The following SART3 variants were observed in gnomAD, a reference collection of about 807,000 sequenced individuals.
The protein encoded by SART3 is HIV-1 Tat-interacting protein of 110kDa.
Under a neutral mutation model 122.3 loss-of-function variants are expected in SART3, and 44 were observed. The observed-to-expected ratio is 0.36, with a 90% CI of 0.28 to 0.46. The LOEUF (loss-of-function observed/expected upper bound fraction) is 0.46. SART3 is among the 20% of genes least tolerant of loss of function. The pLI is 1.00. For missense variants in SART3, 1,101 were observed against 1,229.0 expected (o/e 0.90, Z 1.56); for synonymous variants, 442 against 454.0 (o/e 0.97, Z 0.34).
Position 108,547,897 on chromosome 12 carries a change from C to T in SART3, c.534G>A (p.Lys178=). The part of the protein sequence containing the change: ...HVYDLFEKAV[K]DYICPNIWLE... The stretch of plus-strand genomic sequence containing the variant: ...TCCACGGGAACTTACAAATGTAATC[C>T]TTCACGGCTTTCTCAAAGAGGTCAT... The change falls in exon 3 of 19, where the codon AAG becomes AAA. Residue 178 remains lysine, a synonymous_variant. Coordinates refer to ENST00000546815, the MANE Select transcript of SART3 (RefSeq NM_014706.4). 1 of 1,613,218 alleles carries T rather than the reference C, an allele frequency of 6.2e-7. No individual in the cohort carries two copies. Among genetic ancestry groups the T allele is most frequent in the Non-Finnish European group, 8.5e-7 (1 of 1,179,522 alleles).
Position 108,547,886 on chromosome 12 carries a change from C to G in SART3, c.544+1G>C. ...TCCAAAAAAAGTCCACGGGAACTTA[C>G]AAATGTAATCCTTCACGGCTTTCTC... On this transcript the variant is annotated splice_donor_variant, in intron 3 of 18. Coordinates refer to ENST00000546815, the MANE Select transcript of SART3 (RefSeq NM_014706.4). LOFTEE classifies it high-confidence loss of function. 1 of 1,611,698 alleles carries G rather than the reference C, an allele frequency of 6.2e-7. No homozygotes were observed.
rs1162109283 is a variant in SART3 at position 108,536,560 on chromosome 12, C to T, written c.1400G>A (p.Ser467Asn). 4.3e-6 allele frequency: 7 copies of T among 1,614,208 alleles called. No individual in the cohort carries two copies. Among genetic ancestry groups the T allele is most frequent in the East Asian group, 2.2e-5 (1 of 44,896 alleles). Residue 467 changes from serine (S) to asparagine (N), a missense_variant, in exon 11 of 19, where the codon AGT becomes AAT. Physicochemically the swap from Ser to Asn is conservative, Grantham distance 46. Transcript: ENST00000546815. ...CATAATCACGCAGCTTGGATCACCACTCTCATTGAAACCTTCAAAAACAGA... is the reference window on the plus strand; with the variant it reads ...CATAATCACGCAGCTTGGATCACCATTCTCATTGAAACCTTCAAAAACAGA... ...KQEVEERFNE[S>N]GDPSCVIMQN...
intron 15 of SART3, among the ~76,000 whole-genome samples, chr12:108,529,813 A>AG (rs999297178): frequency 6.6e-6 from 1 of 152,196 alleles, no homozygotes; most frequent in African/African-American, 2.4e-5. Flanking sequence ...GAGTAAAAAA[A>AG]AAAAGCTGAG....
At chr12:108,559,101 C>T (rs1341606776) in intron 1 of SART3, among the ~76,000 whole-genome samples, 1 of 150,794 alleles carries the variant, frequency 6.6e-6, no homozygotes, top group Non-Finnish European at 1.5e-5. Flanking sequence ...ACAGGTTCCT[C>T]TGACAATCAG....
intron 15 of SART3, among the ~76,000 whole-genome samples, chr12:108,529,888 C>T (rs1042713257): frequency 5.3e-5 from 8 of 152,084 alleles, no homozygotes; most frequent in Admixed American, 3.9e-4. Context: ...CATCCTGAAC[C>T]GGATCCTTTC....
chr12:108,534,114 TA>T (rs57566795), intron 12 of SART3, among the ~76,000 whole-genome samples: 3,774 of 152,322 alleles, frequency 0.025, 146 homozygotes, highest in African/African-American at 0.086. Context: ...TTTCTCACTA[TA>T]TTATTTTGGG....
chr12:108,528,866 A>T (rs1285914603), intron 15 of SART3, among the ~76,000 whole-genome samples: 2 of 152,168 alleles, frequency 1.3e-5, no homozygotes, highest in Non-Finnish European at 2.9e-5. Flanking sequence ...TCACACCTGT[A>T]ATCCCAGCAC....
In SART3 at chr12:108,523,302, A is replaced by T; in HGVS notation, c.*155T>A. On this transcript the variant is annotated 3_prime_UTR_variant, in exon 19 of 19. Transcript: ENST00000546815. ...GGGAGCACTGAAAGGCTCTTGACTT[A>T]GAACCCCTTCCCCTTTCTGTCTAAA... 1.2e-6 allele frequency: 1 copy of T among 805,676 alleles called. No individual in the cohort carries two copies. The highest frequency in any genetic ancestry group is 1.9e-5 in the Admixed American group (1 of 53,696). The allele number at this position is 805,676 out of a possible 1,614,324, so 49.9% of individuals were successfully genotyped here. A position where few individuals can be genotyped will look rare whatever the true frequency, so the allele number is the denominator to read the frequency against.
At chr12:108,523,765 A>C in intron 18 of SART3, 131 bp from the exon 19 acceptor site, 12 of 833,844 alleles carry the variant, frequency 1.4e-5, no homozygotes, top group Non-Finnish European at 2.2e-5. Context: ...GGATAAGATA[A>C]TCCCTGCCTC....
At position 108,558,999 on chromosome 12, in the gene SART3, C is replaced by A. The variant is rs549534472; in HGVS notation, c.312+1844G>T. 2.3e-4 allele frequency among the ~76,000 whole-genome samples: 33 copies of A among 145,148 alleles called. No homozygotes were observed. In the South Asian group the frequency reaches 7.0e-3, roughly 31 times the overall value. On this transcript the variant is annotated intron_variant, in intron 1 of 18. Coordinates refer to ENST00000546815, the MANE Select transcript of SART3 (RefSeq NM_014706.4). ...AGTGAGCCGAGATCGTGCCACTGCA[C>A]TCCAGCCTGGGCCACAGAGCAAGAC...
At chr12:108,540,041 T>C (rs558648702) in intron 6 of SART3, among the ~76,000 whole-genome samples, 75 of 152,248 alleles carry the variant, frequency 4.9e-4, no homozygotes, top group African/African-American at 1.1e-3. Context: ...AATCCTATTG[T>C]TGGCAAAGAA....
rs762987142 is a variant in SART3 at position 108,561,056 on chromosome 12, C to T, written c.99G>A (p.Arg33=). The T allele has an allele frequency of 2.5e-5, 41 of 1,614,076 alleles. 1 individual carries two copies. The Middle Eastern group carries it at 2.0e-3, about 78-fold the overall frequency. ...DGEEDEVKAA[R]TRRKVLSRAV... ...CCCGCGATAACACCTTCCTCCTTGTCCTAGCCGCCTTAACCTCATCCTCCT... is the reference window on the plus strand; with the variant it reads ...CCCGCGATAACACCTTCCTCCTTGTTCTAGCCGCCTTAACCTCATCCTCCT... The change falls in exon 1 of 19, where the codon AGG becomes AGA. Residue 33 remains arginine, a synonymous_variant. Transcript: ENST00000546815.
intron 5 of SART3, 31 bp from the exon 6 acceptor site, chr12:108,543,183 C>G (rs1873246337): frequency 6.2e-7 from 1 of 1,612,784 alleles, no homozygotes. Flanking sequence ...CCCCGTGGGT[C>G]TTGCCATTGG....
chr12:108,522,771 G>GA lies in SART3; in HGVS notation c.*685dup, dbSNP rs2136657178. ...TGGTATTAAACAAAACCAAAGGGCT[G>GA]AAACTCATGTTTAGACAACACAGGT... On this transcript the variant is annotated 3_prime_UTR_variant, in exon 19 of 19. Transcript: ENST00000546815. The GA allele has an allele frequency of 6.5e-6, 1 of 153,108 alleles. No homozygotes were observed. Among genetic ancestry groups the GA allele is most frequent in the African/African-American group, 2.4e-5 (1 of 41,570 alleles). The allele number at this position is 153,108 out of a possible 1,614,324, so 9.5% of individuals were successfully genotyped here. A position where few individuals can be genotyped will look rare whatever the true frequency, so the allele number is the denominator to read the frequency against.
chr12:108,544,942 C>A (rs1240505030), intron 4 of SART3, 197 bp downstream of exon 4: 3 of 671,544 alleles, frequency 4.5e-6, no homozygotes, highest in East Asian at 5.3e-5. Context: ...CGACCTCTTC[C>A]ATACATATTG....
At chr12:108,525,811 C>A in intron 16 of SART3, 1 of 643,342 alleles carries the variant, frequency 1.6e-6, no homozygotes, top group Non-Finnish European at 2.7e-6. Flanking sequence ...TGTAAAACGG[C>A]AAGAATAAAA....
At chr12:108,524,789 A>C in intron 17 of SART3, 1 of 511,046 alleles carries the variant, frequency 2.0e-6, no homozygotes, top group Non-Finnish European at 3.6e-6. Flanking sequence ...AAGAAGGAAA[A>C]AGACAGATGG....
chr12:108,530,556 C>CA (rs1437212874), intron 14 of SART3, among the ~76,000 whole-genome samples: 6 of 151,902 alleles, frequency 3.9e-5, no homozygotes, highest in Admixed American at 6.6e-5. Context: ...AAAAGGAAGG[C>CA]AAAAAAATCC....
At position 108,523,409 on chromosome 12, in the gene SART3, C is replaced by G. The variant is rs200452632; in HGVS notation, c.*48G>C. 1 of 1,602,336 alleles carries G rather than the reference C, an allele frequency of 6.2e-7. No individual in the cohort carries two copies. Among genetic ancestry groups the G allele is most frequent in the African/African-American group, 1.3e-5 (1 of 74,600 alleles). On this transcript the variant is annotated 3_prime_UTR_variant, in exon 19 of 19. Transcript: ENST00000546815. Reference sequence around the variant, plus strand: ...GTGCACTGCTGGGTGGTGGGAGGTCCGCCGGGCCAGAGTGAAGTAAGGCAT... The same window carrying G: ...GTGCACTGCTGGGTGGTGGGAGGTCGGCCGGGCCAGAGTGAAGTAAGGCAT...
Sources: gnomAD v4.1 joint callset for allele counts (sites outside exome capture counted in the v4.1 genomes callset) on GRCh38, gnomAD v4.1.1 for gene constraint, MANE v1.5 for transcripts, NCBI Gene and HGNC (gene_info 2026-07-23, HGNC 2026-07-21) for gene names.